C1QTNF2: variants seen among roughly 807,000 people sequenced by gnomAD.
C1QTNF2 encodes the protein C1q and TNF related 2.
A neutral mutation model predicts 17.4 loss-of-function variants in C1QTNF2; 15 were observed. That is an observed-to-expected ratio of 0.86 (90% CI 0.58 to 1.33). The LOEUF is 1.33. Among genes scored for constraint, C1QTNF2 ranks in the 40% most tolerant of loss-of-function variants. The pLI, the probability that C1QTNF2 is intolerant of heterozygous loss-of-function variation, is 0.00. For missense variants in C1QTNF2, 381 were observed against 392.3 expected (o/e 0.97, Z 0.24); for synonymous variants, 154 against 163.3 (o/e 0.94, Z 0.44).
chr5:160,362,824 A>T (rs1417405166), intron 1 of C1QTNF2, among the ~76,000 whole-genome samples: 1 of 152,162 alleles, frequency 6.6e-6, no homozygotes, highest in African/African-American at 2.4e-5. Context: ...AGTTCATCTT[A>T]TCTGGGCCTT....
chr5:160,360,661 T>C (rs1361751431), intron 1 of C1QTNF2, among the ~76,000 whole-genome samples: 1 of 152,154 alleles, frequency 6.6e-6, no homozygotes, highest in Non-Finnish European at 1.5e-5. Context: ...AGTTCCTAAA[T>C]TGTCCTTTCT....
intron 1 of C1QTNF2, among the ~76,000 whole-genome samples, chr5:160,362,580 C>CA (rs1276039742): frequency 1.3e-5 from 2 of 152,200 alleles, no homozygotes; most frequent in Admixed American, 6.5e-5. Flanking sequence ...TGGTGTCAAG[C>CA]GCCTGGACAC....
intron 2 of C1QTNF2, among the ~76,000 whole-genome samples, chr5:160,352,961 C>T (rs1314341393): frequency 6.6e-6 from 1 of 152,142 alleles, no homozygotes; most frequent in Non-Finnish European, 1.5e-5. Context: ...TTCATCTTTA[C>T]CACAACCTTG....
At chr5:160,358,905 C>T (rs983225815) in intron 1 of C1QTNF2, among the ~76,000 whole-genome samples, 2 of 152,074 alleles carry the variant, frequency 1.3e-5, no homozygotes, top group African/African-American at 4.8e-5. Flanking sequence ...CTCAGCCTCC[C>T]GAGAAGCTGG....
At chr5:160,353,487 A>C (rs1356687575) in intron 2 of C1QTNF2, among the ~76,000 whole-genome samples, 1 of 151,976 alleles carries the variant, frequency 6.6e-6, no homozygotes, top group Non-Finnish European at 1.5e-5. Context: ...GACTGCCCCC[A>C]CCACCCACTC....
rs751761367 is a variant in C1QTNF2 at position 160,349,133 on chromosome 5, G to C, written c.*35C>G. 8.9e-6 allele frequency: 14 copies of C among 1,578,210 alleles called. No individual in the cohort carries two copies. Among genetic ancestry groups the C allele is most frequent in the Non-Finnish European group, 3.4e-6 (4 of 1,161,640 alleles). On this transcript the variant is annotated 3_prime_UTR_variant, in exon 3 of 3. Coordinates refer to ENST00000652664, the MANE Select transcript of C1QTNF2 (RefSeq NM_031908.6). This position sits in a 1 kb window ranked among gnomAD's most constrained non-coding sequence, Gnocchi z 4.3. ...TTGCTCTGTAAGCCCAAGTCCAGAA[G>C]CTTGTTCCCTGCCTGGAGGACCGCC... is the stretch of plus-strand genomic sequence containing the variant.
chr5:160,367,259 G>A (rs950019482), intron 1 of C1QTNF2, among the ~76,000 whole-genome samples: 1 of 152,140 alleles, frequency 6.6e-6, no homozygotes, highest in South Asian at 2.1e-4. Context: ...TAACATCGAC[G>A]TTTGCAGCTT....
chr5:160,358,841 C>T (rs1007116464), intron 1 of C1QTNF2, among the ~76,000 whole-genome samples: 8 of 152,084 alleles, frequency 5.3e-5, no homozygotes, highest in Non-Finnish European at 1.0e-4. Flanking sequence ...AGTGCAGTGG[C>T]GTGATCTCGG....
Position 160,347,758 on chromosome 5 carries a change from T to TTTG in C1QTNF2, c.*1409_*1410insCAA. On this transcript the variant is annotated 3_prime_UTR_variant, in exon 3 of 3. Coordinates refer to ENST00000652664, the MANE Select transcript of C1QTNF2 (RefSeq NM_031908.6). Reference sequence around the variant, plus strand: ...GTACCTGCGTTTTTGTTTTTGTTTTTTTTTTTTTTTTGTTTTTTTTTGAGA... The same window carrying TTTG: ...GTACCTGCGTTTTTGTTTTTGTTTTTTTGTTTTTTTTTTTGTTTTTTTTTGAGA... 2.0e-5 allele frequency: 3 copies of TTTG among 150,008 alleles called. No homozygotes were observed. Among genetic ancestry groups the TTTG allele is most frequent in the Admixed American group, 6.7e-5 (1 of 15,016 alleles). 9.3% of individuals were successfully genotyped at this position (150,008 alleles called of 1,614,324 possible). A position where few individuals can be genotyped will look rare whatever the true frequency, so the allele number is the denominator to read the frequency against.
chr5:160,367,287 G>A (rs1174794832), intron 1 of C1QTNF2, among the ~76,000 whole-genome samples: 2 of 152,188 alleles, frequency 1.3e-5, no homozygotes, highest in Non-Finnish European at 2.9e-5. Context: ...GCAGCAGAAG[G>A]ATCTGGGCAG....
chr5:160,365,560 C>G (rs551026475), intron 1 of C1QTNF2, among the ~76,000 whole-genome samples: 116 of 151,870 alleles, frequency 7.6e-4, no homozygotes, highest in Non-Finnish European at 1.4e-3. Context: ...AAAGTGAGAC[C>G]TCCCCCCACC....
chr5:160,351,904 C>G (rs1205956483), intron 2 of C1QTNF2, among the ~76,000 whole-genome samples: 3 of 148,490 alleles, frequency 2.0e-5, no homozygotes, highest in Non-Finnish European at 4.5e-5. Context: ...GGAATAGAGA[C>G]AGAATCTTTT....
intron 1 of C1QTNF2, among the ~76,000 whole-genome samples, chr5:160,359,568 C>T (rs1226106520): frequency 1.3e-5 from 2 of 152,356 alleles, no homozygotes; most frequent in Middle Eastern, 3.4e-3. Flanking sequence ...TTTACACACA[C>T]AGTACATGAC....
Position 160,354,886 on chromosome 5 carries a change from C to G in C1QTNF2, c.126G>C (p.Gln42His). 1 of 1,606,036 alleles carries G rather than the reference C, an allele frequency of 6.2e-7. No homozygotes were observed. ...PQLVCSLPGP[Q>H]GPPGPPGAPG... ...GGGCTCCTGGGGGGCCGGGTGGGCC[C>G]TGGGGGCCAGGCAGGCTGCAGACCA... Residue 42 changes from glutamine to histidine, a missense_variant, in exon 2 of 3, where the codon CAG (glutamine) becomes CAC (histidine). By Grantham distance (24) the Gln-to-His change is conservative (BLOSUM62 0). Transcript: ENST00000652664.
chr5:160,353,645 TGGGCC>T (rs1763967766), intron 2 of C1QTNF2, among the ~76,000 whole-genome samples: 1 of 152,132 alleles, frequency 6.6e-6, no homozygotes, highest in Non-Finnish European at 1.5e-5. Context: ...CAGGAAGATG[TGGGCC>T]GGAGCCCAGC....
At chr5:160,363,486 A>G (rs533259621) in intron 1 of C1QTNF2, among the ~76,000 whole-genome samples, 84 of 152,364 alleles carry the variant, frequency 5.5e-4, no homozygotes, top group Non-Finnish European at 1.5e-4. Context: ...AGCCTAGAAA[A>G]TGAGATCCAA....
intron 2 of C1QTNF2, among the ~76,000 whole-genome samples, chr5:160,350,997 A>G (rs965943544): frequency 6.6e-6 from 1 of 152,056 alleles, no homozygotes; most frequent in Non-Finnish European, 1.5e-5. Context: ...TGATCTGCCC[A>G]CCTCGGCCTC....
At chr5:160,351,496 A>G (rs765905203) in intron 2 of C1QTNF2, among the ~76,000 whole-genome samples, 10 of 152,178 alleles carry the variant, frequency 6.6e-5, no homozygotes, top group Non-Finnish European at 1.0e-4. Flanking sequence ...AATTTTTCCT[A>G]TTTTACATAA....
intron 1 of C1QTNF2, among the ~76,000 whole-genome samples, chr5:160,363,653 A>G (rs1764194742): frequency 6.6e-6 from 1 of 152,254 alleles, no homozygotes; most frequent in Non-Finnish European, 1.5e-5. Flanking sequence ...AATGTGGTGT[A>G]TAACGTGGTG....
Sources: allele counts gnomAD v4.1 joint callset (sites outside exome capture counted in the v4.1 genomes callset), GRCh38; gene constraint gnomAD v4.1.1; non-coding constraint Gnocchi (gnomAD v3.1); transcripts MANE v1.5; gene names NCBI Gene and HGNC (gene_info 2026-07-23, HGNC 2026-07-21).